Variants in ENTREP2 observed in about 807,000 individuals in gnomAD.
ENTREP2 encodes endosomal transmembrane epsin interactor 2, also known as protein ENTREP2.
chr15:29,524,058 C>T, the ENTREP2 span, among the ~76,000 whole-genome samples: 102 of 152,114 alleles, frequency 6.7e-4, no homozygotes, highest in Admixed American at 3.9e-3. Flanking sequence ...AAATTTTGTG[C>T]TTCAATGGAC....
At chr15:29,238,901 G>C in the ENTREP2 span, among the ~76,000 whole-genome samples, 1 of 152,066 alleles carries the variant, frequency 6.6e-6, no homozygotes, top group Non-Finnish European at 1.5e-5. Flanking sequence ...ACCACCCCAT[G>C]ATCCAATCAC....
At chr15:29,132,980 G>A in the ENTREP2 span, among the ~76,000 whole-genome samples, 13 of 152,250 alleles carry the variant, frequency 8.5e-5, no homozygotes, top group East Asian at 2.3e-3. Flanking sequence ...CTGCCCCCGC[G>A]CCACAAGGCA....
the ENTREP2 span, among the ~76,000 whole-genome samples, chr15:29,315,911 G>T: frequency 7.7e-5 from 11 of 143,542 alleles, no homozygotes; most frequent in Non-Finnish European, 1.5e-4. Flanking sequence ...GTAGGCACAC[G>T]TACATGCAGT....
chr15:29,492,416 G>A, the ENTREP2 span, among the ~76,000 whole-genome samples: 1 of 152,182 alleles, frequency 6.6e-6, no homozygotes, highest in Non-Finnish European at 1.5e-5. Flanking sequence ...ACGATATCAT[G>A]TGATTTCCAT....
the ENTREP2 span, among the ~76,000 whole-genome samples, chr15:29,279,893 T>C: frequency 1.3e-5 from 2 of 152,260 alleles, no homozygotes; most frequent in Non-Finnish European, 2.9e-5. Context: ...GTGCCTTTTG[T>C]ACATGGGCAA....
At chr15:29,400,166 A>C in the ENTREP2 span, among the ~76,000 whole-genome samples, 1 of 152,244 alleles carries the variant, frequency 6.6e-6, no homozygotes, top group East Asian at 1.9e-4. Flanking sequence ...AAAGAGATTA[A>C]GTGACTTGCC....
the ENTREP2 span, among the ~76,000 whole-genome samples, chr15:29,650,881 T>C: frequency 6.6e-6 from 1 of 152,092 alleles, no homozygotes; most frequent in Admixed American, 6.5e-5. Flanking sequence ...TAGCCAGGGA[T>C]GATATGCACC....
chr15:29,541,000 G>A, the ENTREP2 span, among the ~76,000 whole-genome samples: 3 of 152,118 alleles, frequency 2.0e-5, no homozygotes, highest in South Asian at 2.1e-4. Flanking sequence ...AAATAACAAC[G>A]CCCATTAGAA....
At chr15:29,310,956 A>G in the ENTREP2 span, among the ~76,000 whole-genome samples, 2 of 152,224 alleles carry the variant, frequency 1.3e-5, no homozygotes, top group Non-Finnish European at 2.9e-5. Context: ...CAAGGAACAG[A>G]GTAGACATGA....
At chr15:29,207,300 A>C in the ENTREP2 span, among the ~76,000 whole-genome samples, 2,795 of 152,184 alleles carry the variant, frequency 0.018, 96 homozygotes, top group African/African-American at 0.064. Flanking sequence ...GGTCTCACCG[A>C]CTTCAAGAAT....
chr15:29,184,696 A>T, the ENTREP2 span, among the ~76,000 whole-genome samples: 1 of 152,290 alleles, frequency 6.6e-6, no homozygotes, highest in South Asian at 2.1e-4. Context: ...ATGCCTATGC[A>T]GCGAAACCAG....
chr15:29,264,148 C>T, the ENTREP2 span, among the ~76,000 whole-genome samples: 1 of 4,816 alleles, frequency 2.1e-4, no homozygotes, highest in African/African-American at 7.4e-3. Context: ...GAGCGAGACT[C>T]CGTCTCAAAA....
At chr15:29,373,770 C>A in the ENTREP2 span, 22 of 151,974 alleles carry the variant, frequency 1.4e-4, no homozygotes, top group African/African-American at 4.8e-4. Context: ...TCTTTCCTTG[C>A]AATTTTTAAA....
At chr15:29,162,514 G>C in the ENTREP2 span, among the ~76,000 whole-genome samples, 1 of 152,200 alleles carries the variant, frequency 6.6e-6, no homozygotes, top group East Asian at 1.9e-4. Context: ...CATGGGAGCT[G>C]GGTGAGGCCT....
the ENTREP2 span, among the ~76,000 whole-genome samples, chr15:29,628,341 T>C: frequency 6.6e-6 from 1 of 152,216 alleles, no homozygotes; most frequent in Non-Finnish European, 1.5e-5. Context: ...GTTACTATTG[T>C]TGTTGAGTTG....
chr15:29,504,018 A>G, the ENTREP2 span, among the ~76,000 whole-genome samples: 6 of 152,222 alleles, frequency 3.9e-5, no homozygotes, highest in Non-Finnish European at 8.8e-5. Flanking sequence ...GCTAAAATTA[A>G]AAAGTCTAAT....
chr15:29,430,257 G>C, the ENTREP2 span, among the ~76,000 whole-genome samples: 170 of 152,206 alleles, frequency 1.1e-3, no homozygotes, highest in African/African-American at 3.6e-3. Context: ...CAGGCTCAGA[G>C]AGGTCCCTGC....
chr15:29,195,169 G>C, the ENTREP2 span: 1 of 985,218 alleles, frequency 1.0e-6, no homozygotes, highest in African/African-American at 1.7e-5. Flanking sequence ...CTCCAACCCC[G>C]CTGCATCTGT....
At chr15:29,264,124 C>T in the ENTREP2 span, among the ~76,000 whole-genome samples, 1 of 27,144 alleles carries the variant, frequency 3.7e-5, no homozygotes, top group South Asian at 1.8e-3. Context: ...CAATCCACTA[C>T]AGCCTGGGCG....
Sources: gnomAD v4.1 joint callset for allele counts (sites outside exome capture counted in the v4.1 genomes callset) on GRCh38, gnomAD v4.1.1 for gene constraint, MANE v1.5 for transcripts, NCBI Gene and HGNC (gene_info 2026-07-23, HGNC 2026-07-21) for gene names.